Variants in NAP1L4 observed in about 807,000 individuals in gnomAD.
The protein encoded by NAP1L4 is nucleosome assembly protein 1-like 4.
In NAP1L4, 15 loss-of-function variants were observed where a neutral mutation model predicts 58.2. The ratio of observed to expected loss-of-function variants is 0.26; its 90% CI spans 0.17 to 0.40. The LOEUF (loss-of-function observed/expected upper bound fraction) is 0.40, where lower values mean the gene tolerates loss of function less well. NAP1L4 is among the 10% of genes least tolerant of loss of function. The pLI is 1.00. For missense variants in NAP1L4, 384 were observed against 451.1 expected (o/e 0.85, Z 1.35); for synonymous variants, 171 against 155.6 (o/e 1.10, Z -0.74).
chr11:2,948,519 C>G lies in NAP1L4; in HGVS notation c.*32+708G>C, dbSNP rs1468042595. Among the ~76,000 whole-genome samples, 1 of 152,192 alleles carries G rather than the reference C, an allele frequency of 6.6e-6. No homozygotes were observed. The highest frequency in any genetic ancestry group is 1.5e-5 in the Non-Finnish European group (1 of 68,042). ...AAGAGCCTCTGTCTACTTACGGCCT[C>G]CTGTCAGCATTCCAGGACAGGGCAG... On this transcript the variant is annotated intron_variant, in intron 15 of 15. Coordinates refer to ENST00000380542, the MANE Select transcript of NAP1L4 (RefSeq NM_005969.4). This position sits in a 1 kb window ranked among gnomAD's most constrained non-coding sequence, Gnocchi z 5.1.
chr11:2,973,545 G>C (rs931890077), intron 4 of NAP1L4, among the ~76,000 whole-genome samples: 3 of 152,120 alleles, frequency 2.0e-5, no homozygotes, highest in Non-Finnish European at 2.9e-5. Context: ...TGGTCTGGGA[G>C]GTATTAGAAC....
chr11:2,946,208 C>T lies in NAP1L4; in HGVS notation c.*33-562G>A, dbSNP rs971118940. 2.0e-5 allele frequency among the ~76,000 whole-genome samples: 3 copies of T among 152,246 alleles called. No individual in the cohort carries two copies. The highest frequency in any genetic ancestry group is 3.4e-3 in the Middle Eastern group (1 of 294). On this transcript the variant is annotated intron_variant, in intron 15 of 15. Coordinates refer to ENST00000380542, the MANE Select transcript of NAP1L4 (RefSeq NM_005969.4). The surrounding 1 kb of genome is among the most constrained non-coding windows in gnomAD (Gnocchi z 4.8). ...TCCTCTTCTGGTGGCCTGTACTGCA[C>T]CAACAAATGATGAGCTGCCACTCCC...
rs1564977446 is a variant in NAP1L4, at chr11:2,959,784, A to T, written c.732T>A (p.Ile244=). ...CATTTTCTTACCCGTCACAGTCCAC[A>T]ATCTCAGGACCTTCAAAGGAAAAGG... ...ADPFSFEGPE[I]VDCDGCTIDW... is the part of the protein sequence containing the mutation. Residue 244 remains isoleucine, a synonymous_variant, in exon 9 of 16, where the codon ATT becomes ATA. Transcript: ENST00000380542. This position sits in a 1 kb window ranked among gnomAD's most constrained non-coding sequence, Gnocchi z 4.9. 6.2e-7 allele frequency: 1 copy of T among 1,613,838 alleles called. No homozygotes were observed. The highest frequency in any genetic ancestry group is 2.2e-5 in the East Asian group (1 of 44,876).
At chr11:2,953,768 C>T (rs1166747427) in intron 12 of NAP1L4, among the ~76,000 whole-genome samples, 1 of 152,260 alleles carries the variant, frequency 6.6e-6, no homozygotes, top group Non-Finnish European at 1.5e-5. Flanking sequence ...GGCCCTTGAA[C>T]CCACCTAAGC....
intron 1 of NAP1L4, among the ~76,000 whole-genome samples, chr11:2,986,032 T>C (rs1848596663): frequency 6.6e-6 from 1 of 152,210 alleles, no homozygotes; most frequent in Admixed American, 6.5e-5. Context: ...AACCTTAAAT[T>C]CCTAATTTTG....
chr11:2,991,274 TATC>T (rs1034278035), intron 1 of NAP1L4: 15 of 386,266 alleles, frequency 3.9e-5, no homozygotes, highest in Admixed American at 3.5e-4. Context: ...TGGAAAGTCT[TATC>T]ATGACCAGGC....
rs977733815 is a variant in NAP1L4, at chr11:2,955,970, C to G, written c.893-204G>C. Among the ~76,000 whole-genome samples the G allele has an allele frequency of 2.0e-5, 3 of 152,050 alleles. No individual in the cohort carries two copies. Among genetic ancestry groups the G allele is most frequent in the Non-Finnish European group, 4.4e-5 (3 of 68,004 alleles). On this transcript the variant is annotated intron_variant, in intron 10 of 15. Coordinates refer to ENST00000380542, the MANE Select transcript of NAP1L4 (RefSeq NM_005969.4). The surrounding 1 kb of genome is among the most constrained non-coding windows in gnomAD (Gnocchi z 4.2). ...ACTTCTGAAGCTGGCCTGAGTGCCT[C>G]TATGCCCCCCTCCCTTCTCCTCCTC...
chr11:2,968,692 A>G (rs532707753), intron 7 of NAP1L4, among the ~76,000 whole-genome samples: 1 of 152,300 alleles, frequency 6.6e-6, no homozygotes, highest in South Asian at 2.1e-4. Context: ...CACAGTGCCT[A>G]TGCTCTGTGA....
intron 3 of NAP1L4, 28 bp downstream of exon 3, chr11:2,978,256 G>T: frequency 6.2e-7 from 1 of 1,608,504 alleles, no homozygotes; most frequent in Non-Finnish European, 8.5e-7. Flanking sequence ...CATACTGGAT[G>T]CAAACTCTCC....
At chr11:2,981,663 A>C (rs1345030093) in intron 1 of NAP1L4, 1 of 152,058 alleles carries the variant, frequency 6.6e-6, no homozygotes, top group Non-Finnish European at 1.5e-5. Context: ...ACCCGTCTCT[A>C]CTAAAAATAC....
At position 2,951,673 on chromosome 11, in the gene NAP1L4, CA is replaced by C. The variant is rs532295041; in HGVS notation, c.1065+106del. On this transcript the variant is annotated intron_variant, in intron 13 of 15. Transcript: ENST00000380542. The surrounding 1 kb of genome is among the most constrained non-coding windows in gnomAD (Gnocchi z 4.0). ...ATTCTTAGAATCAAAGACAGCGTCA[CA>C]AAAAATGGGTTTAACACAGCCCTGT... The C allele has an allele frequency of 7.2e-5, 80 of 1,112,606 alleles. No individual in the cohort carries two copies. The African/African-American group carries it at 8.7e-4, about 12-fold the overall frequency. The allele number at this position is 1,112,606 out of a possible 1,614,324, so 68.9% of individuals were successfully genotyped here. A position where few individuals can be genotyped will look rare whatever the true frequency, so the allele number is the denominator to read the frequency against.
At position 2,992,293 on chromosome 11, in the gene NAP1L4, C is replaced by G. The variant is rs564772479; in HGVS notation, c.-57G>C. The G allele has an allele frequency of 2.0e-5, 3 of 152,434 alleles. No homozygotes were observed. Among genetic ancestry groups the G allele is most frequent in the South Asian group, 2.0e-4 (1 of 4,904 alleles). The allele number at this position is 152,434 out of a possible 1,614,324, so 9.4% of individuals were successfully genotyped here. A position where few individuals can be genotyped will look rare whatever the true frequency, so the allele number is the denominator to read the frequency against. On this transcript the variant is annotated 5_prime_UTR_variant, in exon 1 of 16. Coordinates refer to ENST00000380542, the MANE Select transcript of NAP1L4 (RefSeq NM_005969.4). ...GGCAGTGGCGGCGACCCTAGCTTCG[C>G]TCGCTTTGGGGCTGCGCCGCCGTGG...
intron 1 of NAP1L4, among the ~76,000 whole-genome samples, chr11:2,981,463 T>C (rs931226495): frequency 5.6e-5 from 7 of 125,972 alleles, no homozygotes; most frequent in Admixed American, 9.3e-5. Context: ...AACCCTACAA[T>C]GGCTGGCTAT....
intron 7 of NAP1L4, among the ~76,000 whole-genome samples, chr11:2,969,091 G>C (rs1847475976): frequency 6.7e-6 from 1 of 150,046 alleles, no homozygotes; most frequent in South Asian, 2.1e-4. Context: ...CCTCGGCTCA[G>C]GTGATCCTCC....
At position 2,954,071 on chromosome 11, in the gene NAP1L4, C is replaced by T. The variant is rs780204845; in HGVS notation, c.1035+456G>A. Among the ~76,000 whole-genome samples, 2 of 152,124 alleles carry T rather than the reference C, an allele frequency of 1.3e-5. No homozygotes were observed. Among genetic ancestry groups the T allele is most frequent in the South Asian group, 2.1e-4 (1 of 4,828 alleles). ...AATCTTGTTGTTTTCTTCGGGAGCA[C>T]GGGTTTCTTTTTTTTCCTTTTTACC... On this transcript the variant is annotated intron_variant, in intron 12 of 15. Coordinates refer to ENST00000380542, the MANE Select transcript of NAP1L4 (RefSeq NM_005969.4). The surrounding 1 kb of genome is among the most constrained non-coding windows in gnomAD (Gnocchi z 4.8).
intron 8 of NAP1L4, among the ~76,000 whole-genome samples, chr11:2,964,090 A>T (rs750403612): frequency 2.1e-4 from 32 of 152,310 alleles, no homozygotes; most frequent in Non-Finnish European, 4.4e-4. Flanking sequence ...AGGACAAATC[A>T]AAGAGCAGGA....
In NAP1L4 at chr11:2,948,662, T is replaced by C. The variant is rs560288797; in HGVS notation, c.*32+565A>G. On this transcript the variant is annotated intron_variant, in intron 15 of 15. Coordinates refer to ENST00000380542, the MANE Select transcript of NAP1L4 (RefSeq NM_005969.4). This position sits in a 1 kb window ranked among gnomAD's most constrained non-coding sequence, Gnocchi z 5.1. ...TAGCACCAACCTCACAACAGTACTT[T>C]TTACTGCTGACACCAAAACAGATGC... Among the ~76,000 whole-genome samples, 3 of 152,332 alleles carry C rather than the reference T, an allele frequency of 2.0e-5. No homozygotes were observed. In the South Asian group the frequency reaches 6.2e-4, roughly 32 times the overall value.
intron 7 of NAP1L4, among the ~76,000 whole-genome samples, chr11:2,969,360 G>A (rs137994280): frequency 2.1e-3 from 312 of 150,102 alleles, no homozygotes; most frequent in African/African-American, 7.6e-3. Flanking sequence ...ACTGAGATGT[G>A]TGTGTACACA....
intron 9 of NAP1L4, chr11:2,958,854 A>G (rs1362245512): frequency 3.1e-6 from 1 of 320,302 alleles, no homozygotes; most frequent in African/African-American, 2.1e-5. Flanking sequence ...AGTCTGCATG[A>G]TGCACAAGAA....
Sources: allele counts gnomAD v4.1 joint callset (sites outside exome capture counted in the v4.1 genomes callset), GRCh38; gene constraint gnomAD v4.1.1; non-coding constraint Gnocchi (gnomAD v3.1); transcripts MANE v1.5; gene names NCBI Gene and HGNC (gene_info 2026-07-23, HGNC 2026-07-21).